Variants in IP6K1 observed in about 807,000 individuals in gnomAD.
IP6K1 encodes inositol hexakisphosphate kinase 1, also known as ATP:1D-myo-inositol-hexakisphosphate phosphotransferase.
Under a neutral mutation model 38.3 loss-of-function variants are expected in IP6K1, and 13 were observed. The observed-to-expected ratio is 0.34, with a 90% CI of 0.22 to 0.54. The LOEUF (loss-of-function observed/expected upper bound fraction) is 0.54. Ranked by LOEUF, IP6K1 falls within the 20% of genes least tolerant of loss-of-function variation. The pLI is 0.92. For missense variants in IP6K1, 397 were observed against 599.8 expected (o/e 0.66, Z 3.53); for synonymous variants, 212 against 229.9 (o/e 0.92, Z 0.70).
Position 49,726,954 on chromosome 3 carries a change from A to G in IP6K1, c.*168T>C. 4.3e-6 allele frequency: 3 copies of G among 694,408 alleles called. No homozygotes were observed. In the South Asian group the frequency reaches 6.3e-5, roughly 15 times the overall value. 43.0% of individuals were successfully genotyped at this position (694,408 alleles called of 1,614,324 possible). ...GAGGGCGTGTGGTCTGCCCTCCTTC[A>G]CTTTATATATATGGATTCCAGGCTA... On this transcript the variant is annotated 3_prime_UTR_variant, in exon 6 of 6. Transcript: ENST00000321599.
intron 1 of IP6K1, among the ~76,000 whole-genome samples, chr3:49,781,238 T>G (rs999202408): frequency 1.3e-5 from 2 of 152,122 alleles, no homozygotes; most frequent in East Asian, 3.9e-4. Flanking sequence ...ATTTTTTGTA[T>G]TTTTAGTAGA....
In IP6K1 at chr3:49,727,420, T is replaced by G. The variant is rs1399412408; in HGVS notation, c.1028A>C (p.Glu343Ala). Reference sequence around the variant, plus strand: ...GTCCAGGCAGGACTCAGCCCGGCACTCCTTGCCATCATAGATGACAAGCAG... The same window carrying G: ...GTCCAGGCAGGACTCAGCCCGGCACGCCTTGCCATCATAGATGACAAGCAG... ...SSLLVIYDGK[E>A]CRAESCLDRR... Residue 343 changes from glutamate to alanine, a missense_variant, in exon 6 of 6, where the codon GAG (glutamate) becomes GCG (alanine). Physicochemically the swap from Glu to Ala is moderately radical, Grantham distance 107 (BLOSUM62 -1). Coordinates refer to ENST00000321599, the MANE Select transcript of IP6K1 (RefSeq NM_153273.4). This position sits in a 1 kb window ranked among gnomAD's most constrained non-coding sequence, Gnocchi z 5.9. 6.2e-7 allele frequency: 1 copy of G among 1,613,870 alleles called. No individual in the cohort carries two copies. The highest frequency in any genetic ancestry group is 1.3e-5 in the African/African-American group (1 of 74,884).
At chr3:49,759,904 T>C (rs912661846) in intron 1 of IP6K1, among the ~76,000 whole-genome samples, 10 of 152,198 alleles carry the variant, frequency 6.6e-5, no homozygotes, top group Admixed American at 5.2e-4. Flanking sequence ...CCAGAATTAT[T>C]GTTTTTTCTT....
chr3:49,772,763 CTT>C (rs1307764918), intron 1 of IP6K1, among the ~76,000 whole-genome samples: 2 of 138,928 alleles, frequency 1.4e-5, no homozygotes, highest in Admixed American at 7.3e-5. Flanking sequence ...GTTAATAATT[CTT>C]TTTTTTTTTT....
intron 1 of IP6K1, among the ~76,000 whole-genome samples, chr3:49,778,108 A>G (rs2081034233): frequency 6.7e-6 from 1 of 149,924 alleles, no homozygotes; most frequent in Non-Finnish European, 1.5e-5. Flanking sequence ...AGTGGATCAC[A>G]AGGTCAGGAG....
At chr3:49,771,266 G>A (rs1575325744) in intron 1 of IP6K1, among the ~76,000 whole-genome samples, 1 of 149,970 alleles carries the variant, frequency 6.7e-6, no homozygotes, top group Non-Finnish European at 1.5e-5. Context: ...GAGAGGATGA[G>A]GCAGAAGGAT....
At chr3:49,780,341 C>CACACACACACACAG (rs1025490190) in intron 1 of IP6K1, among the ~76,000 whole-genome samples, 8 of 152,034 alleles carry the variant, frequency 5.3e-5, no homozygotes, top group African/African-American at 1.9e-4. Flanking sequence ...CACACACACA[C>CACACACACACACAG]AGTCTTAGGC....
Position 49,785,311 on chromosome 3 carries a change from G to C in IP6K1, c.-129+1043C>G, listed in dbSNP as rs145935632. 6.0e-3 allele frequency among the ~76,000 whole-genome samples: 912 copies of C among 152,110 alleles called. 14 individuals carry two copies. The highest frequency in any genetic ancestry group is 0.021 in the African/African-American group (881 of 41,476). ...TCACGAGGTCAGGAGTTCGAGACCA[G>C]CCTGGCCAACATGGTGAAACCCCGT... On this transcript the variant is annotated intron_variant, in intron 1 of 5. Transcript: ENST00000321599.
At chr3:49,747,595 T>C (rs536381099) in intron 2 of IP6K1, among the ~76,000 whole-genome samples, 45 of 152,368 alleles carry the variant, frequency 3.0e-4, no homozygotes, top group African/African-American at 1.0e-3. Context: ...TGGAACTTAA[T>C]GCTATGACTT....
In IP6K1 at chr3:49,727,584, GC is replaced by G. The variant is rs1559700511; in HGVS notation, c.863del (p.Gly288AlafsTer25). 1 of 1,614,206 alleles carries G rather than the reference GC, an allele frequency of 6.2e-7. No individual in the cohort carries two copies. Among genetic ancestry groups the G allele is most frequent in the East Asian group, 2.2e-5 (1 of 44,888 alleles). On this transcript the variant is annotated frameshift_variant, in exon 6 of 6. Coordinates refer to ENST00000321599, the MANE Select transcript of IP6K1 (RefSeq NM_153273.4). LOFTEE classifies it high-confidence loss of function. The surrounding 1 kb of genome is among the most constrained non-coding windows in gnomAD (Gnocchi z 5.9). ...KYYGRGLSIE[G>X]FRNALYQYLH... Reference sequence around the variant, plus strand: ...GATATTGATAGAGGGCATTGCGGAAGCCTTCAATGGAGAGCCCACGGCCATA... The same window carrying G: ...GATATTGATAGAGGGCATTGCGGAAGCTTCAATGGAGAGCCCACGGCCATA...
intron 1 of IP6K1, among the ~76,000 whole-genome samples, chr3:49,773,519 G>A (rs926787775): frequency 5.3e-5 from 8 of 152,186 alleles, no homozygotes; most frequent in African/African-American, 1.7e-4. Context: ...GCTGAGGCAG[G>A]AGAATGGCAT....
chr3:49,728,811 G>A (rs1424490556), intron 4 of IP6K1, among the ~76,000 whole-genome samples: 2 of 151,802 alleles, frequency 1.3e-5, no homozygotes, highest in African/African-American at 4.9e-5. Context: ...TCCTGACCTT[G>A]TGATTCGCCT....
intron 1 of IP6K1, among the ~76,000 whole-genome samples, chr3:49,779,924 G>A (rs992551509): frequency 6.6e-6 from 1 of 152,050 alleles, no homozygotes; most frequent in African/African-American, 2.4e-5. Context: ...CTGGGCCCAA[G>A]CAATTTGCCT....
chr3:49,770,990 G>C (rs1258659351), intron 1 of IP6K1, among the ~76,000 whole-genome samples: 3 of 151,736 alleles, frequency 2.0e-5, no homozygotes, highest in African/African-American at 7.3e-5. Context: ...ATGGTAGTAT[G>C]CACATGTAGT....
chr3:49,743,273 CACACACACTT>C (rs2080688571), intron 2 of IP6K1, among the ~76,000 whole-genome samples: 3 of 151,456 alleles, frequency 2.0e-5, no homozygotes, highest in Admixed American at 2.0e-4. Context: ...CACACACACA[CACACACACTT>C]ACCTTTCAGC....
In IP6K1 at chr3:49,727,308, G is replaced by A; in HGVS notation, c.1140C>T (p.Asn380=). ...AGGAGGGACCCGCCTCGGGGCTGGT[G>A]TTGCTGGGGCTGGTGCTGGGGCCAC... ...SSCGPSTSPS[N]TSPEAGPSSQ... is the part of the protein sequence containing the mutation. Residue 380 remains asparagine, a synonymous_variant, in exon 6 of 6, where the codon AAC becomes AAT. Coordinates refer to ENST00000321599, the MANE Select transcript of IP6K1 (RefSeq NM_153273.4). The surrounding 1 kb of genome is among the most constrained non-coding windows in gnomAD (Gnocchi z 5.9). 1.9e-6 allele frequency: 3 copies of A among 1,614,190 alleles called. No individual in the cohort carries two copies. Among genetic ancestry groups the A allele is most frequent in the Non-Finnish European group, 1.7e-6 (2 of 1,180,030 alleles).
At chr3:49,752,571 G>C (rs2080787882) in intron 1 of IP6K1, among the ~76,000 whole-genome samples, 1 of 151,730 alleles carries the variant, frequency 6.6e-6, no homozygotes, top group Non-Finnish European at 1.5e-5. Flanking sequence ...GCTCAGGCTG[G>C]AGTGGCAATG....
At chr3:49,730,457 G>A (rs1023119848) in intron 4 of IP6K1, among the ~76,000 whole-genome samples, 1 of 152,204 alleles carries the variant, frequency 6.6e-6, no homozygotes, top group African/African-American at 2.4e-5. Flanking sequence ...TAAGAAATAA[G>A]GAAGACATCT....
At chr3:49,741,901 G>T (rs992387219) in intron 2 of IP6K1, among the ~76,000 whole-genome samples, 5 of 152,114 alleles carry the variant, frequency 3.3e-5, no homozygotes, top group African/African-American at 1.2e-4. Flanking sequence ...GGGAAGGGTT[G>T]GCAGTCTCTA....
Sources: gnomAD v4.1 joint callset for allele counts (sites outside exome capture counted in the v4.1 genomes callset) on GRCh38, gnomAD v4.1.1 for gene constraint, Gnocchi (gnomAD v3.1) non-coding constraint, MANE v1.5 for transcripts, NCBI Gene and HGNC (gene_info 2026-07-23, HGNC 2026-07-21) for gene names.